CSMD1: variants seen among roughly 807,000 people sequenced by gnomAD.
CSMD1 encodes CUB and Sushi multiple domains 1.
A neutral mutation model predicts 417.5 loss-of-function variants in CSMD1; 213 were observed. The observed-to-expected ratio is 0.51, with a 90% CI of 0.46 to 0.57. CSMD1 has a LOEUF of 0.57. CSMD1 is among the 20% of genes least tolerant of loss of function. The probability of loss-of-function intolerance (pLI) is 0.00; values close to 1 mark genes in which losing one functional copy is unlikely to be tolerated. For missense variants in CSMD1, 6,923 were observed against 4,529.7 expected (o/e 1.53, Z -15.17); for synonymous variants, 2,862 against 1,736.8 (o/e 1.65, Z -16.11).
At chr8:4,915,536 G>A (rs185819345) in intron 1 of CSMD1, among the ~76,000 whole-genome samples, 24 of 152,272 alleles carry the variant, frequency 1.6e-4, no homozygotes, top group Admixed American at 3.9e-4. Flanking sequence ...CAGGAGCACG[G>A]CTCTGAGGTG....
At chr8:4,199,917 T>A (rs1563261822) in intron 3 of CSMD1, among the ~76,000 whole-genome samples, 2 of 152,118 alleles carry the variant, frequency 1.3e-5, no homozygotes, top group African/African-American at 4.8e-5. Flanking sequence ...CATTTTGTGG[T>A]GAAGTACGGT....
intron 2 of CSMD1, among the ~76,000 whole-genome samples, chr8:4,588,309 T>C (rs982637892): frequency 6.6e-6 from 1 of 151,728 alleles, no homozygotes; most frequent in South Asian, 2.1e-4. Context: ...AAAAAGGAAA[T>C]AAAACATCAG....
intron 3 of CSMD1, among the ~76,000 whole-genome samples, chr8:4,322,916 T>G (rs1055534920): frequency 6.6e-6 from 1 of 152,102 alleles, no homozygotes; most frequent in Admixed American, 6.6e-5. Context: ...ACCCTGGAGG[T>G]GGAGGTTGCA....
intron 1 of CSMD1, among the ~76,000 whole-genome samples, chr8:4,790,895 G>A (rs1343175930): frequency 6.6e-6 from 1 of 152,056 alleles, no homozygotes; most frequent in Admixed American, 6.6e-5. Context: ...GGAAACATAG[G>A]AAATACCATT....
intron 9 of CSMD1, among the ~76,000 whole-genome samples, chr8:3,584,124 T>C (rs1800498879): frequency 6.6e-6 from 1 of 152,148 alleles, no homozygotes; most frequent in African/African-American, 2.4e-5. Flanking sequence ...ACTAAATTTA[T>C]TAGAAGTAAT....
chr8:3,310,570 G>A (rs1158737502), intron 23 of CSMD1, among the ~76,000 whole-genome samples: 1 of 152,136 alleles, frequency 6.6e-6, no homozygotes, highest in Non-Finnish European at 1.5e-5. Context: ...AATGTCATTG[G>A]AACATACAAT....
At position 3,260,402 on chromosome 8, in the gene CSMD1, C is replaced by G. The variant is rs1470116932; in HGVS notation, c.4153+23742G>C. Among the ~76,000 whole-genome samples, 8 of 149,986 alleles carry G rather than the reference C, an allele frequency of 5.3e-5. No individual in the cohort carries two copies. In the East Asian group the frequency reaches 1.2e-3, roughly 22 times the overall value. Reference sequence around the variant, plus strand: ...TCAGTGGCCGAACAGGTTTGGAAAACACATAGAAGGAGTATATCCTCCAGC... The same window carrying G: ...TCAGTGGCCGAACAGGTTTGGAAAAGACATAGAAGGAGTATATCCTCCAGC... On this transcript the variant is annotated intron_variant, in intron 26 of 69. Coordinates refer to ENST00000635120, the MANE Select transcript of CSMD1 (RefSeq NM_033225.6).
chr8:3,341,643 T>C (rs949904415), intron 23 of CSMD1, among the ~76,000 whole-genome samples: 3 of 152,184 alleles, frequency 2.0e-5, no homozygotes, highest in African/African-American at 7.2e-5. Flanking sequence ...GCCAACGTTT[T>C]CTGCTCTTTG....
chr8:3,816,851 A>G (rs540851918), intron 5 of CSMD1, among the ~76,000 whole-genome samples: 2 of 152,114 alleles, frequency 1.3e-5, no homozygotes, highest in East Asian at 3.9e-4. Context: ...GGTTTGGAAC[A>G]TATTTCTCAG....
intron 2 of CSMD1, among the ~76,000 whole-genome samples, chr8:4,601,152 T>C (rs1336227938): frequency 6.6e-6 from 1 of 152,066 alleles, no homozygotes; most frequent in Non-Finnish European, 1.5e-5. Flanking sequence ...ATAGGGTTTC[T>C]CCATGTTGGT....
intron 5 of CSMD1, among the ~76,000 whole-genome samples, chr8:3,857,686 T>C (rs1804408596): frequency 1.3e-5 from 2 of 152,146 alleles, no homozygotes; most frequent in African/African-American, 4.8e-5. Context: ...CTTCTTAGAT[T>C]CTTCATAATC....
intron 26 of CSMD1, among the ~76,000 whole-genome samples, chr8:3,271,700 A>G (rs543596593): frequency 7.6e-4 from 116 of 152,114 alleles, no homozygotes; most frequent in Non-Finnish European, 1.3e-3. Flanking sequence ...GCATTTTTTC[A>G]TGTGTTTTTT....
At chr8:4,003,880 T>C (rs1358305377) in intron 4 of CSMD1, among the ~76,000 whole-genome samples, 1 of 152,200 alleles carries the variant, frequency 6.6e-6, no homozygotes, top group African/African-American at 2.4e-5. Context: ...GATAAAATGT[T>C]TGTTTTTGTT....
At chr8:4,444,649 G>C (rs1798675192) in intron 2 of CSMD1, among the ~76,000 whole-genome samples, 1 of 152,044 alleles carries the variant, frequency 6.6e-6, no homozygotes, top group African/African-American at 2.4e-5. Context: ...TATCATTCAG[G>C]GCATGATTGT....
intron 7 of CSMD1, among the ~76,000 whole-genome samples, chr8:3,666,870 G>T (rs532582959): frequency 6.6e-6 from 1 of 152,084 alleles, no homozygotes. Context: ...TCTCAGATAG[G>T]TCTTTATCAG....
chr8:4,036,956 GGTGTGTGTGTGTGTGTGTGTGT>G (rs57139782), intron 3 of CSMD1, among the ~76,000 whole-genome samples: 21 of 145,936 alleles, frequency 1.4e-4, no homozygotes, highest in African/African-American at 3.0e-4. Context: ...GTGAGTGTGG[GGTGTGTGTGTGTGTGTGTGTGT>G]GTGTGTGTGT....
At chr8:4,792,983 AATATATATAT>A (rs34947549) in intron 1 of CSMD1, among the ~76,000 whole-genome samples, 7 of 148,584 alleles carry the variant, frequency 4.7e-5, no homozygotes, top group African/African-American at 1.7e-4. Flanking sequence ...ATGTGTATGC[AATATATATAT>A]ATATATATAT....
chr8:4,736,719 C>T (rs956484653), intron 1 of CSMD1, among the ~76,000 whole-genome samples: 1 of 152,152 alleles, frequency 6.6e-6, no homozygotes, highest in Non-Finnish European at 1.5e-5. Flanking sequence ...AAAAAAGTTA[C>T]TGGGAGAAAA....
At chr8:4,052,951 G>C (rs554622200) in intron 3 of CSMD1, among the ~76,000 whole-genome samples, 1 of 152,146 alleles carries the variant, frequency 6.6e-6, no homozygotes, top group Non-Finnish European at 1.5e-5. Context: ...GGTCTGAGAG[G>C]TATAAATGGA....
Sources: allele counts gnomAD v4.1 joint callset (sites outside exome capture counted in the v4.1 genomes callset), GRCh38; gene constraint gnomAD v4.1.1; transcripts MANE v1.5; gene names NCBI Gene and HGNC (gene_info 2026-07-23, HGNC 2026-07-21).